Variants in FAM81B observed in about 807,000 individuals in gnomAD.
FAM81B encodes protein FAM81B.
A neutral mutation model predicts 58.7 loss-of-function variants in FAM81B; 60 were observed. The observed-to-expected ratio is 1.02, with a 90% CI of 0.83 to 1.27. The LOEUF (loss-of-function observed/expected upper bound fraction) is 1.27, where lower values mean the gene tolerates loss of function less well. Among genes scored for constraint, FAM81B ranks in the 50% most tolerant of loss-of-function variants. FAM81B has a pLI of 0.00. For missense variants in FAM81B, 491 were observed against 522.0 expected, an observed-to-expected ratio of 0.94 and a Z score of 0.58; for synonymous variants, 189 against 179.6, an observed-to-expected ratio of 1.05 and a Z score of -0.42.
chr5:95,416,632 C>A (rs1762545705), intron 4 of FAM81B, among the ~76,000 whole-genome samples: 1 of 152,106 alleles, frequency 6.6e-6, no homozygotes, highest in Admixed American at 6.5e-5. Context: ...GATGAATCTC[C>A]CTTTAGTCCT....
At chr5:95,443,136 T>G (rs1014621616) in intron 7 of FAM81B, among the ~76,000 whole-genome samples, 18 of 152,182 alleles carry the variant, frequency 1.2e-4, no homozygotes, top group African/African-American at 4.1e-4. Context: ...TGGCCTAGGA[T>G]AGAGCTACAT....
At chr5:95,423,651 G>T (rs1286231809) in intron 5 of FAM81B, among the ~76,000 whole-genome samples, 2 of 151,862 alleles carry the variant, frequency 1.3e-5, no homozygotes, top group Admixed American at 1.3e-4. Flanking sequence ...GACAGGCCTG[G>T]TCAGAGAGGG....
At chr5:95,423,753 A>C (rs541178431) in intron 5 of FAM81B, among the ~76,000 whole-genome samples, 1 of 152,310 alleles carries the variant, frequency 6.6e-6, no homozygotes, top group South Asian at 2.1e-4. Flanking sequence ...CTCCATCTTT[A>C]ATATAATATG....
intron 7 of FAM81B, among the ~76,000 whole-genome samples, chr5:95,443,788 A>G (rs1344773093): frequency 6.6e-6 from 1 of 152,238 alleles, no homozygotes; most frequent in East Asian, 1.9e-4. Flanking sequence ...CTGAAAGCAA[A>G]TCTTGTAATA....
At chr5:95,401,803 G>A (rs1307398623) in intron 3 of FAM81B, among the ~76,000 whole-genome samples, 2 of 152,188 alleles carry the variant, frequency 1.3e-5, no homozygotes, top group South Asian at 2.1e-4. Context: ...AGAACAGGCA[G>A]GGAAGTGAGA....
At chr5:95,403,752 C>T (rs1206504049) in intron 3 of FAM81B, among the ~76,000 whole-genome samples, 1 of 152,180 alleles carries the variant, frequency 6.6e-6, no homozygotes, top group Non-Finnish European at 1.5e-5. Flanking sequence ...TTCTGTGTAT[C>T]CCTTCTTGAA....
chr5:95,401,348 C>A (rs1762108770), intron 3 of FAM81B, among the ~76,000 whole-genome samples: 3 of 152,128 alleles, frequency 2.0e-5, no homozygotes, highest in Admixed American at 2.0e-4. Flanking sequence ...GCCTGGTGTA[C>A]TTCCTTCTGC....
intron 3 of FAM81B, among the ~76,000 whole-genome samples, chr5:95,399,032 A>T (rs189103796): frequency 6.6e-6 from 1 of 152,348 alleles, no homozygotes; most frequent in Non-Finnish European, 1.5e-5. Flanking sequence ...GAGGCCAAGG[A>T]ACTGAGGATT....
chr5:95,393,374 C>G (rs1428643824), intron 2 of FAM81B, among the ~76,000 whole-genome samples: 1 of 152,144 alleles, frequency 6.6e-6, no homozygotes, highest in Admixed American at 6.5e-5. Context: ...TCACTTGTTA[C>G]ATAAAGCACT....
intron 3 of FAM81B, among the ~76,000 whole-genome samples, chr5:95,407,445 C>T (rs1437347286): frequency 1.3e-5 from 2 of 152,146 alleles, no homozygotes; most frequent in African/African-American, 2.4e-5. Context: ...CAAACACACA[C>T]GCACACCTGC....
At chr5:95,438,110 G>A (rs925096893) in intron 7 of FAM81B, among the ~76,000 whole-genome samples, 1 of 152,128 alleles carries the variant, frequency 6.6e-6, no homozygotes, top group South Asian at 2.1e-4. Context: ...GCTAAAATGC[G>A]AAATATGTGT....
At chr5:95,428,457 G>A in intron 5 of FAM81B, 146 bp from the exon 6 acceptor site, 1 of 955,922 alleles carries the variant, frequency 1.0e-6, no homozygotes, top group Non-Finnish European at 1.5e-6. Context: ...TGAAGAAAGA[G>A]ATTCCTGAAT....
chr5:95,445,534 C>T (rs1370785626), intron 7 of FAM81B, among the ~76,000 whole-genome samples: 1 of 152,120 alleles, frequency 6.6e-6, no homozygotes. Flanking sequence ...TGATTCCAAC[C>T]CTTTTATCCA....
At chr5:95,417,468 A>C (rs1488901970) in intron 4 of FAM81B, among the ~76,000 whole-genome samples, 1 of 152,104 alleles carries the variant, frequency 6.6e-6, no homozygotes, top group Non-Finnish European at 1.5e-5. Flanking sequence ...AGACAGTGAG[A>C]CTCTGTCTCT....
intron 6 of FAM81B, among the ~76,000 whole-genome samples, chr5:95,431,693 T>C (rs1744899038): frequency 6.6e-6 from 1 of 151,998 alleles, no homozygotes; most frequent in Non-Finnish European, 1.5e-5. Flanking sequence ...TTATTAAATG[T>C]ATTTTGAGAT....
chr5:95,407,391 T>TACAC (rs36079913), intron 3 of FAM81B, among the ~76,000 whole-genome samples: 26,188 of 139,404 alleles, frequency 0.19, 2,565 homozygotes, highest in Middle Eastern at 0.26. Flanking sequence ...TGTTCTCTTT[T>TACAC]ACACACACAC....
intron 5 of FAM81B, chr5:95,423,981 A>G (rs772226189): frequency 3.1e-6 from 4 of 1,283,732 alleles, no homozygotes; most frequent in Non-Finnish European, 4.1e-6. Context: ...GATTCAGGTC[A>G]GCAACACCAA....
At chr5:95,431,312 C>T (rs1037192016) in intron 6 of FAM81B, among the ~76,000 whole-genome samples, 13 of 152,028 alleles carry the variant, frequency 8.6e-5, no homozygotes, top group Non-Finnish European at 1.6e-4. Flanking sequence ...CACTTAAATC[C>T]TTCGTCCATT....
At chr5:95,426,334 T>G (rs148796701) in intron 5 of FAM81B, among the ~76,000 whole-genome samples, 1 of 152,038 alleles carries the variant, frequency 6.6e-6, no homozygotes, top group Non-Finnish European at 1.5e-5. Flanking sequence ...GGAACTCCTT[T>G]TGGAATGTAG....
Sources: gnomAD v4.1 joint callset for allele counts (sites outside exome capture counted in the v4.1 genomes callset) on GRCh38, gnomAD v4.1.1 for gene constraint, MANE v1.5 for transcripts, NCBI Gene and HGNC (gene_info 2026-07-23, HGNC 2026-07-21) for gene names.